The following ARHGAP17 variants were observed in gnomAD, a reference collection of about 807,000 sequenced individuals.
ARHGAP17 encodes the protein rho GTPase-activating protein 17.
Under a neutral mutation model 99.5 loss-of-function variants are expected in ARHGAP17, and 57 were observed. The ratio of observed to expected loss-of-function variants is 0.57; its 90% confidence interval spans 0.46 to 0.71. The LOEUF (loss-of-function observed/expected upper bound fraction) is 0.71, where lower values mean the gene tolerates loss of function less well. Among genes scored for constraint, ARHGAP17 ranks in the 30% least tolerant of loss-of-function variants. The pLI is 0.00. For missense variants in ARHGAP17, 1,000 were observed against 1,122.4 expected, an observed-to-expected ratio of 0.89 and a Z score of 1.56; for synonymous variants, 417 against 429.6, an observed-to-expected ratio of 0.97 and a Z score of 0.36.
At chr16:24,983,747 G>A (rs572941335) in intron 1 of ARHGAP17, among the ~76,000 whole-genome samples, 3 of 152,204 alleles carry the variant, frequency 2.0e-5, no homozygotes, top group East Asian at 3.9e-4. Context: ...AAAACAATAC[G>A]AATCAGGAAG....
chr16:24,953,559 C>T (rs1272931876), intron 10 of ARHGAP17, among the ~76,000 whole-genome samples: 1 of 152,166 alleles, frequency 6.6e-6, no homozygotes, highest in African/African-American at 2.4e-5. Context: ...CTCTTTCCCT[C>T]CTGTTCCACC....
intron 16 of ARHGAP17, among the ~76,000 whole-genome samples, chr16:24,940,817 A>C (rs964665814): frequency 2.6e-5 from 4 of 152,212 alleles, no homozygotes; most frequent in Non-Finnish European, 5.9e-5. Flanking sequence ...TGATCTATGA[A>C]CTTAACAACT....
chr16:24,952,147 A>T (rs2051664223), intron 12 of ARHGAP17, 142 bp downstream of exon 12: 2 of 576,648 alleles, frequency 3.5e-6, no homozygotes, highest in Non-Finnish European at 5.8e-6. Flanking sequence ...TATTCTAAAC[A>T]TAAATAAGAG....
At chr16:24,925,413 C>T (rs998373401) in intron 19 of ARHGAP17, among the ~76,000 whole-genome samples, 2 of 152,100 alleles carry the variant, frequency 1.3e-5, no homozygotes, top group Non-Finnish European at 2.9e-5. Context: ...AGAAGAATGA[C>T]AGTCCAACCA....
At chr16:24,985,470 T>G (rs1436109840) in intron 1 of ARHGAP17, among the ~76,000 whole-genome samples, 1 of 152,164 alleles carries the variant, frequency 6.6e-6, no homozygotes, top group Non-Finnish European at 1.5e-5. Flanking sequence ...TTCCTTGGCC[T>G]CCTCCTGCAC....
chr16:24,986,553 G>A (rs1400505199), intron 1 of ARHGAP17, among the ~76,000 whole-genome samples: 1 of 152,208 alleles, frequency 6.6e-6, no homozygotes, highest in African/African-American at 2.4e-5. Context: ...TATTACAGAA[G>A]TTTCACTGGA....
intron 1 of ARHGAP17, among the ~76,000 whole-genome samples, chr16:24,979,930 C>T (rs2052624535): frequency 6.6e-6 from 1 of 152,160 alleles, no homozygotes; most frequent in Non-Finnish European, 1.5e-5. Context: ...AGGCTGGTCC[C>T]GAACTCCTGA....
intron 19 of ARHGAP17, among the ~76,000 whole-genome samples, chr16:24,929,324 C>G (rs2050921330): frequency 6.6e-6 from 1 of 152,128 alleles, no homozygotes; most frequent in Non-Finnish European, 1.5e-5. Flanking sequence ...AGCCACTGTG[C>G]TTGGCCCCTA....
At chr16:24,980,082 C>A (rs1270342393) in intron 1 of ARHGAP17, among the ~76,000 whole-genome samples, 1 of 152,266 alleles carries the variant, frequency 6.6e-6, no homozygotes, top group East Asian at 1.9e-4. Flanking sequence ...CAGGGGAAGG[C>A]TGTCAATGAA....
In ARHGAP17 at chr16:24,920,176, C is replaced by T. The variant is rs148385769; in HGVS notation, c.2600G>A (p.Arg867His). Residue 867 changes from arginine (R) to histidine (H), a missense_variant, in exon 20 of 20, where the codon CGC becomes CAC. Around this residue, in one of 2 missense-constraint regions of ARHGAP17, gnomAD observed 528 missense variants for 511.4 expected, o/e 1.03. Coordinates refer to ENST00000289968, the MANE Select transcript of ARHGAP17 (RefSeq NM_001006634.3). ...ATCATTGTCTATATCCAGCAGGATG[C>T]GGCCAGGCACGTCTTTGCTGGCTGA... ...SDSASKDVPG[R>H]ILLDIDNDTE... 5.4e-4 allele frequency: 864 copies of T among 1,613,948 alleles called. 1 individual carries two copies. The highest frequency in any genetic ancestry group is 6.9e-4 in the Non-Finnish European group (809 of 1,180,002).
intron 9 of ARHGAP17, chr16:24,956,798 T>A (rs1299293045): frequency 6.6e-6 from 1 of 152,230 alleles, no homozygotes; most frequent in African/African-American, 2.4e-5. Context: ...TTTTAACAAT[T>A]TTTAATGAGA....
At chr16:24,940,086 TA>T (rs150437227) in intron 16 of ARHGAP17, among the ~76,000 whole-genome samples, 13 of 151,834 alleles carry the variant, frequency 8.6e-5, no homozygotes, top group South Asian at 2.1e-4. Context: ...ACTGGGATAC[TA>T]AAAAAAAATT....
intron 2 of ARHGAP17, 76 bp downstream of exon 2, chr16:24,978,890 A>C: frequency 4.9e-4 from 421 of 862,748 alleles, no homozygotes; most frequent in Non-Finnish European, 6.5e-4. Context: ...AAAAAAGCCC[A>C]CAGGCCTCAA....
intron 16 of ARHGAP17, among the ~76,000 whole-genome samples, chr16:24,940,938 G>A (rs755496075): frequency 6.6e-6 from 1 of 152,198 alleles, no homozygotes; most frequent in Non-Finnish European, 1.5e-5. Context: ...TGTCTGTCAC[G>A]TGCTAACTAG....
At chr16:24,967,901 C>T (rs908298114) in intron 6 of ARHGAP17, among the ~76,000 whole-genome samples, 6 of 152,098 alleles carry the variant, frequency 3.9e-5, no homozygotes, top group African/African-American at 1.4e-4. Context: ...TCAGTCCCCA[C>T]ATCAGCAGCG....
At chr16:24,950,081 A>C (rs184460593) in intron 12 of ARHGAP17, among the ~76,000 whole-genome samples, 3 of 152,304 alleles carry the variant, frequency 2.0e-5, no homozygotes, top group African/African-American at 7.2e-5. Context: ...CCCACTAGGG[A>C]CCAAGAGTGT....
chr16:24,984,335 C>T (rs908312404), intron 1 of ARHGAP17, among the ~76,000 whole-genome samples: 1 of 152,146 alleles, frequency 6.6e-6, no homozygotes, highest in East Asian at 1.9e-4. Flanking sequence ...AGTCATCACT[C>T]CTCCCCAGCG....
intron 10 of ARHGAP17, among the ~76,000 whole-genome samples, chr16:24,953,721 G>A (rs1314366144): frequency 6.6e-6 from 1 of 152,150 alleles, no homozygotes; most frequent in African/African-American, 2.4e-5. Context: ...TTACAGCAGT[G>A]TGAGAATGGA....
intron 1 of ARHGAP17, among the ~76,000 whole-genome samples, chr16:24,993,298 A>T (rs1195834223): frequency 3.3e-5 from 5 of 152,140 alleles, no homozygotes; most frequent in African/African-American, 1.2e-4. Context: ...ATTAAAAGTA[A>T]TGGGCAGCCG....
Sources: allele counts gnomAD v4.1 joint callset (sites outside exome capture counted in the v4.1 genomes callset), GRCh38; gene constraint gnomAD v4.1.1; regional missense constraint gnomAD v4.1.1; transcripts MANE v1.5; gene names NCBI Gene and HGNC (gene_info 2026-07-23, HGNC 2026-07-21).